Variants in LPP observed in about 807,000 individuals in gnomAD.
LPP encodes LIM domain containing preferred translocation partner in lipoma.
LPP carries 38 observed loss-of-function variants against 60.4 expected under a neutral mutation model. That is an observed-to-expected ratio of 0.63 (90% CI 0.49 to 0.83). The LOEUF (loss-of-function observed/expected upper bound fraction) is 0.83. LPP is among the 40% of genes least tolerant of loss of function. The probability of loss-of-function intolerance (pLI) is 0.00; values close to 1 mark genes in which losing one functional copy is unlikely to be tolerated. For missense variants in LPP, 902 were observed against 783.6 expected (o/e 1.15, Z -1.80); for synonymous variants, 328 against 290.8 (o/e 1.13, Z -1.30).
chr3:188,242,630 T>A (rs910628229), intron 2 of LPP, among the ~76,000 whole-genome samples: 9 of 152,142 alleles, frequency 5.9e-5, no homozygotes, highest in African/African-American at 1.9e-4. Context: ...GAATGTGAAA[T>A]CACTTCTCCT....
intron 9 of LPP, among the ~76,000 whole-genome samples, chr3:188,842,607 T>C (rs765636886): frequency 1.1e-4 from 17 of 152,202 alleles, no homozygotes; most frequent in Non-Finnish European, 2.2e-4. Flanking sequence ...AGAACATTCA[T>C]CTTTGTCAAA....
At chr3:188,511,295 C>G (rs1458736455) in intron 5 of LPP, among the ~76,000 whole-genome samples, 1 of 109,816 alleles carries the variant, frequency 9.1e-6, no homozygotes, top group Non-Finnish European at 1.8e-5. Context: ...TCCCTTCCTT[C>G]CCTCCCTGCC....
At position 188,260,587 on chromosome 3, in the gene LPP, C is replaced by A. The variant is rs1474449644; in HGVS notation, c.-67+35060C>A. Among the ~76,000 whole-genome samples, 6 of 152,082 alleles carry A rather than the reference C, an allele frequency of 3.9e-5. No individual in the cohort carries two copies. The East Asian group carries it at 9.7e-4, about 25-fold the overall frequency. On this transcript the variant is annotated intron_variant, in intron 2 of 11. Coordinates refer to ENST00000617246, the MANE Select transcript of LPP (RefSeq NM_001375462.1). ...ATAGAAATTGTCACTATTGCTATAGCCCCAAGAAGGACCTCATGGCTGCAT... is the reference window on the plus strand; with the variant it reads ...ATAGAAATTGTCACTATTGCTATAGACCCAAGAAGGACCTCATGGCTGCAT...
At chr3:188,420,372 A>G (rs942592001) in intron 4 of LPP, among the ~76,000 whole-genome samples, 3 of 152,200 alleles carry the variant, frequency 2.0e-5, no homozygotes, top group Non-Finnish European at 4.4e-5. Context: ...CTATTGAACT[A>G]TAAGTACAGT....
chr3:188,760,877 CATT>C (rs964462952), intron 9 of LPP, among the ~76,000 whole-genome samples: 2 of 152,274 alleles, frequency 1.3e-5, no homozygotes, highest in African/African-American at 4.8e-5. Flanking sequence ...CTGAGCTAAT[CATT>C]GTTTTCTTTT....
chr3:188,771,549 C>CAA (rs66712771), intron 9 of LPP, among the ~76,000 whole-genome samples: 6,509 of 108,882 alleles, frequency 0.06, 757 homozygotes, highest in African/African-American at 0.21. Flanking sequence ...GACTCCATCT[C>CAA]AAAAAAAAAA....
intron 7 of LPP, among the ~76,000 whole-genome samples, chr3:188,685,969 G>C (rs1203333090): frequency 6.6e-6 from 1 of 152,114 alleles, no homozygotes; most frequent in Non-Finnish European, 1.5e-5. Flanking sequence ...TAATGATGTA[G>C]TCAAGGCGCT....
At chr3:188,760,699 A>G (rs1325623494) in intron 9 of LPP, among the ~76,000 whole-genome samples, 2 of 152,218 alleles carry the variant, frequency 1.3e-5, no homozygotes, top group African/African-American at 4.8e-5. Context: ...AGGAAACTTT[A>G]CAGAATCTCT....
At chr3:188,458,048 C>G (rs989196336) in intron 4 of LPP, among the ~76,000 whole-genome samples, 11 of 152,126 alleles carry the variant, frequency 7.2e-5, no homozygotes, top group Non-Finnish European at 1.6e-4. Flanking sequence ...AGTTCATTTC[C>G]TTAGGCAAAC....
chr3:188,862,941 G>A (rs1177499833), intron 9 of LPP, among the ~76,000 whole-genome samples: 1 of 151,736 alleles, frequency 6.6e-6, no homozygotes, highest in Non-Finnish European at 1.5e-5. Context: ...TTTGTATGAA[G>A]CGTGCATCTT....
chr3:188,189,328 G>A (rs1727491050), intron 1 of LPP, among the ~76,000 whole-genome samples: 1 of 152,124 alleles, frequency 6.6e-6, no homozygotes. Flanking sequence ...GCTCAAGTGA[G>A]CCTCCTACCT....
At chr3:188,508,132 A>G (rs1485153704) in intron 5 of LPP, among the ~76,000 whole-genome samples, 1 of 152,194 alleles carries the variant, frequency 6.6e-6, no homozygotes, top group East Asian at 1.9e-4. Context: ...ACCTTAACCA[A>G]GGTGGTGGCC....
intron 9 of LPP, among the ~76,000 whole-genome samples, chr3:188,858,904 A>G (rs1764482244): frequency 6.6e-6 from 1 of 151,984 alleles, no homozygotes; most frequent in Non-Finnish European, 1.5e-5. Flanking sequence ...AGCCTGGCCA[A>G]CATGGTGAAA....
chr3:188,814,471 G>A (rs2151360889), intron 9 of LPP, among the ~76,000 whole-genome samples: 1 of 152,242 alleles, frequency 6.6e-6, no homozygotes, highest in South Asian at 2.1e-4. Context: ...ATGGCCCTAA[G>A]TTACAACATT....
intron 3 of LPP, among the ~76,000 whole-genome samples, chr3:188,397,892 G>T (rs956466130): frequency 6.6e-6 from 1 of 152,064 alleles, no homozygotes; most frequent in African/African-American, 2.4e-5. Context: ...GGGATTACAG[G>T]TCTGAGCCAC....
In LPP at chr3:188,403,902, T is replaced by A. The variant is rs538982792; in HGVS notation, c.-9-2210T>A. The stretch of plus-strand genomic sequence containing the variant: ...GTATATATATACATGTATGTATGTG[T>A]GTGTATATATGAATATGTAAAAGGT... On this transcript the variant is annotated intron_variant, in intron 3 of 11. Coordinates refer to ENST00000617246, the MANE Select transcript of LPP (RefSeq NM_001375462.1). Among the ~76,000 whole-genome samples the A allele has an allele frequency of 8.5e-5, 13 of 152,266 alleles. 1 individual carries two copies. The South Asian group carries it at 2.5e-3, about 29-fold the overall frequency.
intron 9 of LPP, among the ~76,000 whole-genome samples, chr3:188,806,340 T>C (rs1003831673): frequency 6.6e-5 from 10 of 151,900 alleles, no homozygotes; most frequent in African/African-American, 2.2e-4. Context: ...ATTCTTTAAC[T>C]CTGAAAATAT....
intron 6 of LPP, among the ~76,000 whole-genome samples, chr3:188,550,520 G>A (rs1240442893): frequency 6.9e-6 from 1 of 145,664 alleles, no homozygotes; most frequent in Admixed American, 7.0e-5. Context: ...GGAGGTTGCG[G>A]TGAGCCGAGA....
In LPP at chr3:188,566,037, C is replaced by T. The variant is rs150579237; in HGVS notation, c.429+41250C>T. ...TGCGTGTGAGAAAAGAAGGTTTCAT[C>T]GTGTGGTTAATAGGAATTTTCATAT... On this transcript the variant is annotated intron_variant, in intron 6 of 11. Coordinates refer to ENST00000617246, the MANE Select transcript of LPP (RefSeq NM_001375462.1). 1.2e-4 allele frequency among the ~76,000 whole-genome samples: 18 copies of T among 151,974 alleles called. No homozygotes were observed. The East Asian group carries it at 3.3e-3, about 28-fold the overall frequency.
Sources: allele counts gnomAD v4.1 joint callset (sites outside exome capture counted in the v4.1 genomes callset), GRCh38; gene constraint gnomAD v4.1.1; transcripts MANE v1.5; gene names NCBI Gene and HGNC (gene_info 2026-07-23, HGNC 2026-07-21).